PITPNC1: variants seen among roughly 807,000 people sequenced by gnomAD.
PITPNC1 encodes the protein cytoplasmic phosphatidylinositol transfer protein 1.
PITPNC1 carries 18 observed loss-of-function variants against 44.7 expected under a neutral mutation model. The observed-to-expected ratio is 0.40, with a 90% confidence interval of 0.28 to 0.60. PITPNC1 has a LOEUF of 0.60. PITPNC1 is among the 20% of genes least tolerant of loss of function. PITPNC1 has a pLI of 0.39. For synonymous variants in PITPNC1, 141 were observed against 149.6 expected (o/e 0.94, Z 0.42); for missense variants, 290 against 418.4 (o/e 0.69, Z 2.68).
intron 5 of PITPNC1, among the ~76,000 whole-genome samples, chr17:67,602,878 A>G (rs148502730): frequency 0.012 from 1,871 of 152,252 alleles, 23 homozygotes; most frequent in Middle Eastern, 0.037. Flanking sequence ...CTGGAACTAC[A>G]GGTGCATACC....
chr17:67,508,267 A>G lies in PITPNC1; in HGVS notation c.49-24535A>G, dbSNP rs1334885904. 6.6e-6 allele frequency among the ~76,000 whole-genome samples: 1 copy of G among 152,194 alleles called. No homozygotes were observed. Among genetic ancestry groups the G allele is most frequent in the Non-Finnish European group, 1.5e-5 (1 of 68,036 alleles). On this transcript the variant is annotated intron_variant, in intron 1 of 8. Transcript: ENST00000581322. This position sits in a 1 kb window ranked among gnomAD's most constrained non-coding sequence, Gnocchi z 4.2. ...AAGTTTATTAAGAAAGTAGAGAATA[A>G]AAGAATGGCTACTCCATAAACAGAG...
chr17:67,470,170 A>G (rs1372551128), intron 1 of PITPNC1, among the ~76,000 whole-genome samples: 1 of 152,104 alleles, frequency 6.6e-6, no homozygotes, highest in Non-Finnish European at 1.5e-5. Flanking sequence ...TGATCTGCCC[A>G]CTTTGGCCTC....
At chr17:67,566,831 T>C (rs983850281) in intron 4 of PITPNC1, among the ~76,000 whole-genome samples, 1 of 152,174 alleles carries the variant, frequency 6.6e-6, no homozygotes, top group African/African-American at 2.4e-5. Context: ...AGCACTTCCA[T>C]GATTTCCTGA....
chr17:67,412,588 C>T (rs985035271), intron 1 of PITPNC1, among the ~76,000 whole-genome samples: 9 of 152,002 alleles, frequency 5.9e-5, no homozygotes, highest in African/African-American at 4.8e-5. Context: ...TTTTTTGAGA[C>T]GGAGTTTCGC....
At chr17:67,398,893 G>GGCAT (rs756507932) in intron 1 of PITPNC1, among the ~76,000 whole-genome samples, 25 of 151,978 alleles carry the variant, frequency 1.6e-4, no homozygotes, top group Non-Finnish European at 3.1e-4. Flanking sequence ...CAGCTCATGA[G>GGCAT]GCATGCACTT....
At chr17:67,589,426 T>A (rs900533393) in intron 5 of PITPNC1, among the ~76,000 whole-genome samples, 1 of 152,148 alleles carries the variant, frequency 6.6e-6, no homozygotes. Context: ...AAGACCTGCC[T>A]CCTCTGATGT....
intron 1 of PITPNC1, among the ~76,000 whole-genome samples, chr17:67,484,846 G>A (rs919349591): frequency 2.0e-5 from 3 of 152,104 alleles, no homozygotes; most frequent in African/African-American, 7.2e-5. Flanking sequence ...GCTGAGGTAG[G>A]GGAATCGCTT....
At chr17:67,473,774 C>T (rs1286033830) in intron 1 of PITPNC1, among the ~76,000 whole-genome samples, 1 of 152,110 alleles carries the variant, frequency 6.6e-6, no homozygotes, top group Non-Finnish European at 1.5e-5. Context: ...TGTGTTGAGC[C>T]TATGCAGGTA....
At chr17:67,605,524 C>T (rs1045768575) in intron 5 of PITPNC1, among the ~76,000 whole-genome samples, 5 of 152,202 alleles carry the variant, frequency 3.3e-5, no homozygotes, top group Non-Finnish European at 5.9e-5. Flanking sequence ...CCCGACCTTT[C>T]CTTAATGAAG....
At chr17:67,504,734 A>G (rs1211521111) in intron 1 of PITPNC1, among the ~76,000 whole-genome samples, 1 of 152,054 alleles carries the variant, frequency 6.6e-6, no homozygotes, top group East Asian at 1.9e-4. Flanking sequence ...TTATTTTTCT[A>G]TTCTCTAGTT....
intron 8 of PITPNC1, among the ~76,000 whole-genome samples, chr17:67,685,575 A>G (rs2042799324): frequency 6.6e-6 from 1 of 150,614 alleles, no homozygotes; most frequent in Admixed American, 6.6e-5. Context: ...CACTAAGCCA[A>G]TTAGTGGTCA....
At chr17:67,416,203 C>CTT (rs71687631) in intron 1 of PITPNC1, among the ~76,000 whole-genome samples, 1,325 of 67,566 alleles carry the variant, frequency 0.02, 178 homozygotes, top group African/African-American at 0.067. Context: ...ACATGTATTG[C>CTT]TTTTTTTTTT....
intron 1 of PITPNC1, among the ~76,000 whole-genome samples, chr17:67,491,604 C>T (rs1215758459): frequency 1.3e-5 from 2 of 152,054 alleles, no homozygotes; most frequent in Non-Finnish European, 2.9e-5. Flanking sequence ...AAACATACGC[C>T]CAGGTGGGAG....
intron 1 of PITPNC1, among the ~76,000 whole-genome samples, chr17:67,466,197 T>G (rs903640498): frequency 2.0e-4 from 12 of 59,126 alleles, no homozygotes; most frequent in South Asian, 7.2e-4. Context: ...GATGGTGGGG[T>G]GGGGGGGTGG....
Position 67,471,213 on chromosome 17 carries a change from A to T in PITPNC1, c.49-61589A>T, listed in dbSNP as rs578051234. Among the ~76,000 whole-genome samples, 47 of 47,640 alleles carry T rather than the reference A, an allele frequency of 9.9e-4. 1 individual carries two copies. The East Asian group carries it at 0.012, about 12-fold the overall frequency. 31.3% of individuals were successfully genotyped at this position (47,640 alleles called of 152,430 possible). On this transcript the variant is annotated intron_variant, in intron 1 of 8. Transcript: ENST00000581322. The stretch of plus-strand genomic sequence containing the variant: ...AGAATTATCAATAAAAAAATAAATT[A>T]AAAAAAAAATGTAAAAAAAAAAAAT...
chr17:67,449,033 C>G (rs1456622269), intron 1 of PITPNC1, among the ~76,000 whole-genome samples: 1 of 152,196 alleles, frequency 6.6e-6, no homozygotes, highest in Non-Finnish European at 1.5e-5. Context: ...TCCCAAAATG[C>G]TGGGATTATA....
chr17:67,654,669 A>G (rs1438607348), intron 6 of PITPNC1, among the ~76,000 whole-genome samples: 3 of 151,862 alleles, frequency 2.0e-5, no homozygotes, highest in Admixed American at 6.6e-5. Flanking sequence ...ATCTCCCTCT[A>G]TTGCCCAGGC....
intron 1 of PITPNC1, among the ~76,000 whole-genome samples, chr17:67,520,996 A>G (rs2144107099): frequency 6.6e-6 from 1 of 152,350 alleles, no homozygotes; most frequent in Non-Finnish European, 1.5e-5. Context: ...TGTTGGAAGA[A>G]GCAGCAAAAA....
At chr17:67,447,696 G>C (rs2039118114) in intron 1 of PITPNC1, among the ~76,000 whole-genome samples, 1 of 149,988 alleles carries the variant, frequency 6.7e-6, no homozygotes, top group Non-Finnish European at 1.5e-5. Context: ...CTCGGACATG[G>C]TGCCATCCCT....
Sources: gnomAD v4.1 joint callset for allele counts (sites outside exome capture counted in the v4.1 genomes callset) on GRCh38, gnomAD v4.1.1 for gene constraint, Gnocchi (gnomAD v3.1) non-coding constraint, MANE v1.5 for transcripts, NCBI Gene and HGNC (gene_info 2026-07-23, HGNC 2026-07-21) for gene names.